Variants in ADAMTS6 observed in about 807,000 individuals in gnomAD.
The protein encoded by ADAMTS6 is A disintegrin and metalloproteinase with thrombospondin motifs 6.
A neutral mutation model predicts 144.3 loss-of-function variants in ADAMTS6; 23 were observed. The ratio of observed to expected loss-of-function variants is 0.16; its 90% CI spans 0.11 to 0.23. The LOEUF (loss-of-function observed/expected upper bound fraction) is 0.23, where lower values mean the gene tolerates loss of function less well. Ranked by LOEUF, ADAMTS6 falls within the 10% of genes least tolerant of loss-of-function variation. ADAMTS6 has a pLI of 1.00. For missense variants in ADAMTS6, 999 were observed against 1,379.6 expected (o/e 0.72, Z 4.37); for synonymous variants, 444 against 457.5 (o/e 0.97, Z 0.38).
chr5:65,195,556 G>A (rs901860777), intron 21 of ADAMTS6, among the ~76,000 whole-genome samples: 4 of 152,162 alleles, frequency 2.6e-5, no homozygotes, highest in Non-Finnish European at 5.9e-5. Context: ...AATAATGGAA[G>A]TTCAAAAGGC....
intron 7 of ADAMTS6, among the ~76,000 whole-genome samples, chr5:65,396,675 G>A (rs529683410): frequency 6.6e-6 from 1 of 152,310 alleles, no homozygotes; most frequent in South Asian, 2.1e-4. Flanking sequence ...TGGCTAGGAC[G>A]CTGTTTCATG....
intron 14 of ADAMTS6, among the ~76,000 whole-genome samples, chr5:65,258,973 A>C (rs1370628504): frequency 6.6e-6 from 1 of 152,182 alleles, no homozygotes; most frequent in East Asian, 1.9e-4. Context: ...GGAACCAGAT[A>C]AGATCACCAA....
intron 1 of ADAMTS6, 134 bp from the exon 2 acceptor site, chr5:65,474,086 A>G (rs1253462582): frequency 5.9e-6 from 2 of 340,448 alleles, no homozygotes. Flanking sequence ...GTTAGTCTTT[A>G]TAGTCTAAAT....
At chr5:65,324,558 G>A (rs76310152) in intron 9 of ADAMTS6, among the ~76,000 whole-genome samples, 25 of 149,958 alleles carry the variant, frequency 1.7e-4, no homozygotes, top group Non-Finnish European at 2.7e-4. Flanking sequence ...TATATATTAC[G>A]GATAAATATA....
chr5:65,436,329 AATTAAAGG>A (rs1757404540), intron 7 of ADAMTS6, among the ~76,000 whole-genome samples: 1 of 152,108 alleles, frequency 6.6e-6, no homozygotes, highest in African/African-American at 2.4e-5. Context: ...AAAAAAGCCC[AATTAAAGG>A]ATTGAAGGCC....
rs1752005369 is a variant in ADAMTS6, at chr5:65,149,227, T to G, written c.*2609A>C. ...TAAGTAGTCTATGTAGCTCACTACT[T>G]TTGGAAGGTCTGCCATGGTGGCCCA... On this transcript the variant is annotated 3_prime_UTR_variant, in exon 25 of 25. Coordinates refer to ENST00000381055, the MANE Select transcript of ADAMTS6 (RefSeq NM_197941.4). 6.6e-6 allele frequency: 1 copy of G among 152,244 alleles called. No homozygotes were observed. Among genetic ancestry groups the G allele is most frequent in the Admixed American group, 6.5e-5 (1 of 15,288 alleles). The allele number at this position is 152,244 out of a possible 1,614,324, so 9.4% of individuals were successfully genotyped here. A position where few individuals can be genotyped will look rare whatever the true frequency, so the allele number is the denominator to read the frequency against.
intron 9 of ADAMTS6, among the ~76,000 whole-genome samples, chr5:65,300,900 G>A (rs539693852): frequency 6.6e-6 from 1 of 152,140 alleles, no homozygotes; most frequent in South Asian, 2.1e-4. Flanking sequence ...CAAAGTGCTG[G>A]GATTAAAGGC....
At chr5:65,242,244 G>A in intron 14 of ADAMTS6, 38 bp from the exon 15 acceptor site, 1 of 1,496,418 alleles carries the variant, frequency 6.7e-7, no homozygotes, top group Non-Finnish European at 9.1e-7. Flanking sequence ...ACCATTGTTG[G>A]AAAATACCAA....
intron 14 of ADAMTS6, chr5:65,251,273 A>G (rs1760133267): frequency 6.6e-6 from 1 of 152,272 alleles, no homozygotes. Flanking sequence ...TCAGGACCTA[A>G]TCAACCATTT....
At chr5:65,356,043 A>G (rs1026208311) in intron 7 of ADAMTS6, among the ~76,000 whole-genome samples, 8 of 151,846 alleles carry the variant, frequency 5.3e-5, no homozygotes, top group African/African-American at 1.9e-4. Context: ...GAAACAATTC[A>G]TGTTCAGACT....
chr5:65,198,934 G>A (rs1424650412), intron 20 of ADAMTS6, among the ~76,000 whole-genome samples: 2 of 152,012 alleles, frequency 1.3e-5, no homozygotes, highest in African/African-American at 2.4e-5. Flanking sequence ...GATATTCATC[G>A]GATATCTCCC....
chr5:65,225,099 A>G lies in ADAMTS6; in HGVS notation c.2068-52T>C, dbSNP rs769930732. 12 of 1,568,798 alleles carry G rather than the reference A, an allele frequency of 7.6e-6. No individual in the cohort carries two copies. In the East Asian group the frequency reaches 2.5e-4, roughly 33 times the overall value. ...TGTCAAGAGAGAAATTCTTGGAATC[A>G]TAACTAATGAAATACATATAACTTA... On this transcript the variant is annotated intron_variant, in intron 16 of 24. Transcript: ENST00000381055.
At chr5:65,278,664 C>T (rs1762748457) in intron 11 of ADAMTS6, among the ~76,000 whole-genome samples, 1 of 152,136 alleles carries the variant, frequency 6.6e-6, no homozygotes, top group African/African-American at 2.4e-5. Flanking sequence ...GCTTTTAATG[C>T]CAATTTCTTC....
At chr5:65,401,931 CAT>C (rs1345994698) in intron 7 of ADAMTS6, among the ~76,000 whole-genome samples, 2 of 152,214 alleles carry the variant, frequency 1.3e-5, no homozygotes, top group South Asian at 2.1e-4. Flanking sequence ...TCCACTACCA[CAT>C]GTCGTAACTC....
intron 7 of ADAMTS6, among the ~76,000 whole-genome samples, chr5:65,444,574 A>G (rs1476080713): frequency 6.6e-6 from 1 of 152,226 alleles, no homozygotes; most frequent in Non-Finnish European, 1.5e-5. Context: ...CTGCTGAGAG[A>G]AAGTAATGAA....
intron 9 of ADAMTS6, among the ~76,000 whole-genome samples, chr5:65,322,360 A>G (rs1745697907): frequency 6.6e-6 from 1 of 152,040 alleles, no homozygotes; most frequent in African/African-American, 2.4e-5. Context: ...TTCAGGCTCC[A>G]TTTCGGTTCC....
At chr5:65,221,411 T>C (rs1284680283) in intron 18 of ADAMTS6, among the ~76,000 whole-genome samples, 1 of 152,194 alleles carries the variant, frequency 6.6e-6, no homozygotes, top group African/African-American at 2.4e-5. Flanking sequence ...ATCATGTCAA[T>C]AGATTCAGAC....
At chr5:65,457,797 G>A (rs1384264085) in intron 4 of ADAMTS6, among the ~76,000 whole-genome samples, 1 of 123,888 alleles carries the variant, frequency 8.1e-6, no homozygotes, top group Non-Finnish European at 1.6e-5. Flanking sequence ...TGTGATCTTC[G>A]CTCACTGCAA....
rs1386374988 is a variant in ADAMTS6 at position 65,455,574 on chromosome 5, G to GGTAAAATATTTCAAATATTTTGTCCA, written c.632-2682_632-2657dup. On this transcript the variant is annotated intron_variant, in intron 4 of 24. Transcript: ENST00000381055. Reference sequence around the variant, plus strand: ...AAAAAATTAAAAAAGAGAACAGGTTGGTAAAATATTTCAAATATTTTGTCC... The same window carrying GGTAAAATATTTCAAATATTTTGTCCA: ...AAAAAATTAAAAAAGAGAACAGGTTGGTAAAATATTTCAAATATTTTGTCCAGTAAAATATTTCAAATATTTTGTCC... 7.3e-5 allele frequency among the ~76,000 whole-genome samples: 11 copies of GGTAAAATATTTCAAATATTTTGTCCA among 151,430 alleles called. No homozygotes were observed. In the South Asian group the frequency reaches 1.7e-3, roughly 23 times the overall value.
Sources: gnomAD v4.1 joint callset for allele counts (sites outside exome capture counted in the v4.1 genomes callset) on GRCh38, gnomAD v4.1.1 for gene constraint, MANE v1.5 for transcripts, NCBI Gene and HGNC (gene_info 2026-07-23, HGNC 2026-07-21) for gene names.